ZNF536: variants seen among roughly 807,000 people sequenced by gnomAD.
ZNF536 encodes the protein zinc finger protein 536.
ZNF536 carries 13 observed loss-of-function variants against 84.5 expected under a neutral mutation model. The ratio of observed to expected loss-of-function variants is 0.15; its 90% CI spans 0.10 to 0.24. ZNF536 has a LOEUF of 0.24. ZNF536 is among the 10% of genes least tolerant of loss of function. The probability of loss-of-function intolerance (pLI) is 1.00; values close to 1 mark genes in which losing one functional copy is unlikely to be tolerated. For synonymous variants in ZNF536, 811 were observed against 742.5 expected, an observed-to-expected ratio of 1.09 and a Z score of -1.50; for missense variants, 1,536 against 1,747.5, an observed-to-expected ratio of 0.88 and a Z score of 2.16.
intron 1 of ZNF536, among the ~76,000 whole-genome samples, chr19:30,437,176 C>A (rs1287548217): frequency 6.6e-6 from 1 of 151,730 alleles, no homozygotes; most frequent in Non-Finnish European, 1.5e-5. Context: ...TCTGTGCTAG[C>A]AAAATGAAAC....
At chr19:30,390,869 C>A (rs1415200302) in intron 1 of ZNF536, among the ~76,000 whole-genome samples, 1 of 152,214 alleles carries the variant, frequency 6.6e-6, no homozygotes, top group African/African-American at 2.4e-5. Context: ...AGCCTGGGAC[C>A]TTGGGAGCAT....
chr19:30,666,832 G>GTGTGTA (rs71333464), intron 1 of ZNF536, among the ~76,000 whole-genome samples: 20 of 149,108 alleles, frequency 1.3e-4, no homozygotes, highest in African/African-American at 4.7e-4. Context: ...GTGTGTGTGT[G>GTGTGTA]TATATATATA....
At chr19:30,301,976 G>C (rs545958224) in intron 2 of ZNF536, among the ~76,000 whole-genome samples, 1 of 152,318 alleles carries the variant, frequency 6.6e-6, no homozygotes, top group East Asian at 1.9e-4. Flanking sequence ...TGCAAAGCCA[G>C]TGTCAAGGTC....
chr19:30,672,534 G>T (rs969975085), intron 1 of ZNF536, among the ~76,000 whole-genome samples: 2 of 152,128 alleles, frequency 1.3e-5, no homozygotes, highest in African/African-American at 4.8e-5. Flanking sequence ...TGAAAGATGG[G>T]GTCTGCAAAC....
chr19:30,406,666 C>G (rs1190141189), intron 1 of ZNF536, among the ~76,000 whole-genome samples: 4 of 152,158 alleles, frequency 2.6e-5, no homozygotes, highest in Admixed American at 2.0e-4. Context: ...GGTTGAGCAA[C>G]GTGCCGGGGC....
chr19:30,646,581 C>G (rs1159697275), intron 1 of ZNF536, among the ~76,000 whole-genome samples: 1 of 152,204 alleles, frequency 6.6e-6, no homozygotes, highest in Non-Finnish European at 1.5e-5. Flanking sequence ...AGCTGTTGAT[C>G]ACGCACTGTC....
chr19:30,655,035 T>G (rs1287519069), intron 1 of ZNF536, among the ~76,000 whole-genome samples: 2 of 152,230 alleles, frequency 1.3e-5, no homozygotes, highest in Non-Finnish European at 1.5e-5. Context: ...CTGGCTGTGC[T>G]CCTACAACGA....
Position 30,680,341 on chromosome 19 carries a change from T to C in ZNF536, c.170-30416T>C, listed in dbSNP as rs556258911. On this transcript the variant is annotated intron_variant, in intron 1 of 1. Transcript: ENST00000592773. Reference sequence around the variant, plus strand: ...TATGTATATATGTGCCATGTTGGTGTGCTGCACCCATTAACTCGTCATTTA... The same window carrying C: ...TATGTATATATGTGCCATGTTGGTGCGCTGCACCCATTAACTCGTCATTTA... 2.8e-3 allele frequency among the ~76,000 whole-genome samples: 427 copies of C among 151,616 alleles called. 3 individuals carry two copies. The highest frequency in any genetic ancestry group is 9.9e-3 in the African/African-American group (410 of 41,352).
intron 1 of ZNF536, among the ~76,000 whole-genome samples, chr19:30,705,266 C>T (rs1276666501): frequency 2.6e-5 from 4 of 152,016 alleles, no homozygotes; most frequent in Non-Finnish European, 4.4e-5. Flanking sequence ...AACTTTCTTC[C>T]ACATCAGTCT....
chr19:30,659,378 A>G (rs777276476), intron 1 of ZNF536, among the ~76,000 whole-genome samples: 50 of 152,150 alleles, frequency 3.3e-4, no homozygotes, highest in Non-Finnish European at 5.7e-4. Context: ...TGACAAGACC[A>G]AGGAAGATGG....
intron 2 of ZNF536, among the ~76,000 whole-genome samples, chr19:30,494,144 A>T (rs938709349): frequency 6.6e-6 from 1 of 152,238 alleles, no homozygotes. Flanking sequence ...AACATTGCTT[A>T]GAAAAACCTG....
At chr19:30,589,820 G>T (rs1462850666) in intron 1 of ZNF536, among the ~76,000 whole-genome samples, 1 of 152,176 alleles carries the variant, frequency 6.6e-6, no homozygotes, top group Non-Finnish European at 1.5e-5. Flanking sequence ...CTTCCAGCCT[G>T]CCCTGTGTGC....
At chr19:30,586,750 G>A (rs917810650) in intron 1 of ZNF536, among the ~76,000 whole-genome samples, 2 of 152,092 alleles carry the variant, frequency 1.3e-5, no homozygotes, top group Non-Finnish European at 2.9e-5. Context: ...CATGAGTATT[G>A]CATAGTATTT....
intron 1 of ZNF536, among the ~76,000 whole-genome samples, chr19:30,380,843 A>G (rs1189458090): frequency 6.6e-6 from 1 of 152,096 alleles, no homozygotes; most frequent in African/African-American, 2.4e-5. Flanking sequence ...TTTAAAATAA[A>G]TTTATTTATC....
At chr19:30,677,572 C>G (rs138293204) in intron 1 of ZNF536, among the ~76,000 whole-genome samples, 1 of 152,218 alleles carries the variant, frequency 6.6e-6, no homozygotes, top group Non-Finnish European at 1.5e-5. Context: ...AAATGTCCCC[C>G]GGGGACACAG....
At chr19:30,466,580 A>AGGAAAGAGAGAG in intron 2 of ZNF536, among the ~76,000 whole-genome samples, 1 of 76,868 alleles carries the variant, frequency 1.3e-5, no homozygotes, top group Non-Finnish European at 2.1e-5. Context: ...GAAAGAAAGA[A>AGGAAAGAGAGAG]AGAAAGAGAG....
At chr19:30,487,006 T>C (rs116365217) in intron 2 of ZNF536, among the ~76,000 whole-genome samples, 117 of 152,316 alleles carry the variant, frequency 7.7e-4, no homozygotes, top group African/African-American at 2.5e-3. Flanking sequence ...TATTGAATGA[T>C]AACAAATATT....
At chr19:30,546,643 T>C (rs533895051) in intron 3 of ZNF536, among the ~76,000 whole-genome samples, 1 of 152,332 alleles carries the variant, frequency 6.6e-6, no homozygotes, top group African/African-American at 2.4e-5. Context: ...GAAGACACCA[T>C]TCACTGACGA....
At chr19:30,486,829 G>T (rs553582358) in intron 2 of ZNF536, among the ~76,000 whole-genome samples, 28 of 152,066 alleles carry the variant, frequency 1.8e-4, no homozygotes, top group Non-Finnish European at 3.7e-4. Context: ...GGCCTACTTG[G>T]ACTTGGTCCT....
Sources: gnomAD v4.1 joint callset for allele counts (sites outside exome capture counted in the v4.1 genomes callset) on GRCh38, gnomAD v4.1.1 for gene constraint, MANE v1.5 for transcripts, NCBI Gene and HGNC (gene_info 2026-07-23, HGNC 2026-07-21) for gene names.